Variants in IGF1R observed in about 807,000 individuals in gnomAD.
IGF1R encodes insulin-like growth factor 1 receptor.
IGF1R carries 44 observed loss-of-function variants against 144.6 expected under a neutral mutation model. The observed-to-expected ratio is 0.30, with a 90% CI of 0.24 to 0.39. The LOEUF is 0.39. Among genes scored for constraint, IGF1R ranks in the 10% least tolerant of loss-of-function variants. The probability of loss-of-function intolerance (pLI) is 1.00; values close to 1 mark genes in which losing one functional copy is unlikely to be tolerated. For synonymous variants in IGF1R, 795 were observed against 722.8 expected, an observed-to-expected ratio of 1.10 and a Z score of -1.60; for missense variants, 1,355 against 1,833.7, an observed-to-expected ratio of 0.74 and a Z score of 4.77.
intron 2 of IGF1R, among the ~76,000 whole-genome samples, chr15:98,826,312 A>G (rs1255974284): frequency 6.6e-6 from 1 of 152,264 alleles, no homozygotes; most frequent in Non-Finnish European, 1.5e-5. Context: ...AGACTGAATG[A>G]TAGAATATAT....
chr15:98,675,889 G>A (rs2053029187), intron 1 of IGF1R, among the ~76,000 whole-genome samples: 1 of 134,056 alleles, frequency 7.5e-6, no homozygotes, highest in African/African-American at 2.8e-5. Flanking sequence ...GCAGAGGTGT[G>A]ATCTCTGTTC....
chr15:98,675,429 C>T (rs533299390), intron 1 of IGF1R, among the ~76,000 whole-genome samples: 47 of 152,228 alleles, frequency 3.1e-4, no homozygotes, highest in African/African-American at 1.1e-3. Context: ...TGTGCATGAT[C>T]CTAGATAAAT....
chr15:98,905,890 C>T lies in IGF1R; in HGVS notation c.1248-2795C>T, dbSNP rs183614507. ...TCACCTAATCATGGAAGGAATTTAG[C>T]GGGGAGCCTTGCCCCAAGCTGTGGC... On this transcript the variant is annotated intron_variant, in intron 5 of 20. Coordinates refer to ENST00000650285, the MANE Select transcript of IGF1R (RefSeq NM_000875.5). 1.1e-4 allele frequency among the ~76,000 whole-genome samples: 16 copies of T among 152,252 alleles called. No individual in the cohort carries two copies. The East Asian group carries it at 1.3e-3, about 13-fold the overall frequency.
rs1183492642 is a variant in IGF1R at position 98,963,824 on chromosome 15, C to T, written c.*6382C>T. 8.6e-6 allele frequency: 2 copies of T among 232,538 alleles called. No homozygotes were observed. The highest frequency in any genetic ancestry group is 1.7e-5 in the Non-Finnish European group (2 of 117,628). The allele number at this position is 232,538 out of a possible 1,614,324, so 14.4% of individuals were successfully genotyped here. ...AATTTTTAATAAAAACTATAACATACACAAAAATTGGTTTTAAAGTTGACT... is the reference window on the plus strand; with the variant it reads ...AATTTTTAATAAAAACTATAACATATACAAAAATTGGTTTTAAAGTTGACT... On this transcript the variant is annotated 3_prime_UTR_variant, in exon 21 of 21. Coordinates refer to ENST00000650285, the MANE Select transcript of IGF1R (RefSeq NM_000875.5).
At chr15:98,911,217 A>G in intron 6 of IGF1R, 98 bp from the exon 7 acceptor site, 1 of 1,419,674 alleles carries the variant, frequency 7.0e-7, no homozygotes, top group South Asian at 1.2e-5. Flanking sequence ...TAGCATATAC[A>G]GCCAGCTTTG....
At chr15:98,896,627 C>A in intron 3 of IGF1R, 130 bp from the exon 4 acceptor site, 1 of 934,220 alleles carries the variant, frequency 1.1e-6, no homozygotes. Flanking sequence ...ACCACATGAA[C>A]ACTTCAAAAC....
At chr15:98,768,569 C>T (rs1172691772) in intron 2 of IGF1R, among the ~76,000 whole-genome samples, 2 of 146,194 alleles carry the variant, frequency 1.4e-5, no homozygotes, top group Admixed American at 7.0e-5. Flanking sequence ...GAGCCGAGAT[C>T]GCACCACTGC....
chr15:98,768,039 G>T (rs1452781144), intron 2 of IGF1R, among the ~76,000 whole-genome samples: 1 of 152,124 alleles, frequency 6.6e-6, no homozygotes, highest in Non-Finnish European at 1.5e-5. Context: ...GTGAAATTCA[G>T]ATCCATAGGA....
chr15:98,895,476 A>G (rs1011603302), intron 3 of IGF1R, among the ~76,000 whole-genome samples: 6 of 152,188 alleles, frequency 3.9e-5, no homozygotes, highest in African/African-American at 1.2e-4. Flanking sequence ...ACAGAAGGCC[A>G]AGTAAAAAAG....
intron 2 of IGF1R, among the ~76,000 whole-genome samples, chr15:98,826,141 G>A (rs1033112258): frequency 6.6e-6 from 1 of 152,186 alleles, no homozygotes; most frequent in South Asian, 2.1e-4. Flanking sequence ...AAATCAGGGG[G>A]ATTCCCAAAT....
chr15:98,840,359 G>A (rs2011152598), intron 2 of IGF1R, among the ~76,000 whole-genome samples: 1 of 152,222 alleles, frequency 6.6e-6, no homozygotes, highest in Non-Finnish European at 1.5e-5. Flanking sequence ...TGTTTCTTCT[G>A]TTATCATCTA....
intron 2 of IGF1R, among the ~76,000 whole-genome samples, chr15:98,811,563 C>T (rs971498615): frequency 6.7e-6 from 1 of 150,116 alleles, no homozygotes; most frequent in African/African-American, 2.4e-5. Flanking sequence ...TCTATGTAAA[C>T]AAAGAAAACT....
intron 2 of IGF1R, among the ~76,000 whole-genome samples, chr15:98,843,958 TTTTG>T (rs988706363): frequency 3.3e-5 from 5 of 152,194 alleles, no homozygotes; most frequent in Non-Finnish European, 5.9e-5. Context: ...TGCTGCTTCC[TTTTG>T]TTTGTTTGTT....
rs767178221 is a variant in IGF1R, at chr15:98,716,703, A to G, written c.640+8596A>G. On this transcript the variant is annotated intron_variant, in intron 2 of 20. Transcript: ENST00000650285. ...AACAGAACAGTCCTTGGAGCTTGGT[A>G]GGAGGTGTGAGGGCTTATGGGGGAC... is the stretch of plus-strand genomic sequence containing the variant. Among the ~76,000 whole-genome samples the G allele has an allele frequency of 7.3e-4, 111 of 152,240 alleles. 2 individuals are homozygous for G. The highest frequency in any genetic ancestry group is 1.8e-3 in the Admixed American group (27 of 15,284).
chr15:98,689,522 C>G (rs1489048175), intron 1 of IGF1R, among the ~76,000 whole-genome samples: 1 of 145,202 alleles, frequency 6.9e-6, no homozygotes, highest in East Asian at 2.0e-4. Context: ...TCACTGTGCT[C>G]AGCCAGTTGC....
intron 2 of IGF1R, among the ~76,000 whole-genome samples, chr15:98,871,683 G>T (rs1319239905): frequency 1.3e-5 from 2 of 152,222 alleles, no homozygotes; most frequent in African/African-American, 4.8e-5. Context: ...AGAAGAGCTT[G>T]TGCAGGGAAA....
intron 2 of IGF1R, among the ~76,000 whole-genome samples, chr15:98,809,990 C>T (rs1010473437): frequency 1.3e-5 from 2 of 152,138 alleles, no homozygotes; most frequent in South Asian, 2.1e-4. Context: ...CAGACAGACT[C>T]CCGCTTTAGG....
intron 2 of IGF1R, among the ~76,000 whole-genome samples, chr15:98,743,430 A>G (rs1375385699): frequency 6.6e-6 from 1 of 152,172 alleles, no homozygotes. Context: ...ATTTGTGTAG[A>G]GTGGCATCTC....
chr15:98,963,012 C>T lies in IGF1R; in HGVS notation c.*5570C>T, dbSNP rs116922843. The T allele has an allele frequency of 6.7e-3, 1,572 of 233,582 alleles. 30 individuals are homozygous for T. Among genetic ancestry groups the T allele is most frequent in the Non-Finnish European group, 5.9e-3 (699 of 118,020 alleles). 14.5% of individuals were successfully genotyped at this position (233,582 alleles called of 1,614,324 possible). On this transcript the variant is annotated 3_prime_UTR_variant, in exon 21 of 21. Coordinates refer to ENST00000650285, the MANE Select transcript of IGF1R (RefSeq NM_000875.5). The stretch of plus-strand genomic sequence containing the variant: ...ATTGTTTTAACTAGTCACTCATTAG[C>T]GTTTTCAATAGGGCTCTTAAGTCCA...
Sources: allele counts gnomAD v4.1 joint callset (sites outside exome capture counted in the v4.1 genomes callset), GRCh38; gene constraint gnomAD v4.1.1; transcripts MANE v1.5; gene names NCBI Gene and HGNC (gene_info 2026-07-23, HGNC 2026-07-21).